UGT2A1: variants seen among roughly 807,000 people sequenced by gnomAD.
UGT2A1 encodes UDP-glucuronosyltransferase 2A1.
A neutral mutation model predicts 45.4 loss-of-function variants in UGT2A1; 61 were observed. That is an observed-to-expected ratio of 1.34 (90% CI 1.09 to 1.66). The LOEUF (loss-of-function observed/expected upper bound fraction) is 1.66, where lower values mean the gene tolerates loss of function less well. UGT2A1 is among the 40% of genes most tolerant of loss of function. The pLI, the probability that UGT2A1 is intolerant of heterozygous loss-of-function variation, is 0.00. For synonymous variants in UGT2A1, 229 were observed against 196.2 expected (o/e 1.17, Z -1.40); for missense variants, 649 against 574.3 (o/e 1.13, Z -1.33).
chr4:69,600,547 G>A (rs978461913), intron 3 of UGT2A1, among the ~76,000 whole-genome samples: 3 of 152,136 alleles, frequency 2.0e-5, no homozygotes, highest in African/African-American at 4.8e-5. Context: ...TGGCCTGAAA[G>A]CCACAGTTTC....
intron 2 of UGT2A1, among the ~76,000 whole-genome samples, chr4:69,642,214 G>A (rs1722077849): frequency 6.6e-6 from 1 of 151,668 alleles, no homozygotes; most frequent in South Asian, 2.1e-4. Context: ...GAGTGGGAGC[G>A]AAAAAGATAG....
chr4:69,635,849 A>AAAAAAAAAAAAAAGAG (rs772370302), intron 2 of UGT2A1, 27 bp from the exon 3 acceptor site: 2 of 118,512 alleles, frequency 1.7e-5, no homozygotes, highest in African/African-American at 8.0e-5. Context: ...AAAAAAAAAA[A>AAAAAAAAAAAAAAGAG]AGAGAGAGAG....
At chr4:69,608,950 C>A (rs1359011248) in intron 3 of UGT2A1, among the ~76,000 whole-genome samples, 2 of 151,942 alleles carry the variant, frequency 1.3e-5, no homozygotes, top group Admixed American at 6.6e-5. Flanking sequence ...CATAAAAATC[C>A]TTTTTTTAAT....
chr4:69,649,777 G>A (rs1181554086), intron 1 of UGT2A1, among the ~76,000 whole-genome samples: 2 of 151,992 alleles, frequency 1.3e-5, no homozygotes, highest in African/African-American at 2.4e-5. Flanking sequence ...ACACAGTGGG[G>A]CTTGCCTACA....
At chr4:69,604,302 A>G (rs1370511684) in intron 3 of UGT2A1, among the ~76,000 whole-genome samples, 1 of 131,350 alleles carries the variant, frequency 7.6e-6, no homozygotes, top group Non-Finnish European at 1.6e-5. Flanking sequence ...CCAGAATTTC[A>G]TATCTAGCCA....
intron 3 of UGT2A1, among the ~76,000 whole-genome samples, chr4:69,627,035 A>G (rs977525056): frequency 6.6e-6 from 1 of 151,900 alleles, no homozygotes; most frequent in South Asian, 2.1e-4. Flanking sequence ...AATGGCATAT[A>G]AAACTCAAGA....
chr4:69,639,643 T>C, intron 2 of UGT2A1: 1 of 1,555,932 alleles, frequency 6.4e-7, no homozygotes, highest in Non-Finnish European at 8.6e-7. Context: ...GAAACCATCC[T>C]ACTGTAGATC....
intron 3 of UGT2A1, among the ~76,000 whole-genome samples, chr4:69,632,232 T>A (rs1273158272): frequency 6.6e-6 from 1 of 152,152 alleles, no homozygotes; most frequent in African/African-American, 2.4e-5. Context: ...ATAATTTGAT[T>A]TGCTACCATG....
chr4:69,638,475 T>C (rs958949431), intron 2 of UGT2A1, among the ~76,000 whole-genome samples: 1 of 152,142 alleles, frequency 6.6e-6, no homozygotes, highest in East Asian at 1.9e-4. Flanking sequence ...CAGTTTTCTA[T>C]TGCCTGATTC....
chr4:69,650,661 A>T (rs1722478353), intron 1 of UGT2A1, among the ~76,000 whole-genome samples: 1 of 152,118 alleles, frequency 6.6e-6, no homozygotes, highest in Admixed American at 6.6e-5. Flanking sequence ...ATATTTAAAT[A>T]GATACAATTG....
At chr4:69,606,416 T>C (rs75310709) in intron 3 of UGT2A1, among the ~76,000 whole-genome samples, 24,412 of 135,402 alleles carry the variant, frequency 0.18, 5,778 homozygotes, top group Non-Finnish European at 0.22. Flanking sequence ...ATTGATGGGA[T>C]GTATCTCAAA....
chr4:69,603,778 C>G (rs1174621872), intron 3 of UGT2A1, among the ~76,000 whole-genome samples: 2 of 135,876 alleles, frequency 1.5e-5, no homozygotes, highest in African/African-American at 5.9e-5. Context: ...ATGCACAAGC[C>G]TCAGTAGCCG....
chr4:69,646,361 A>G (rs1722258308), intron 2 of UGT2A1, among the ~76,000 whole-genome samples: 1 of 151,860 alleles, frequency 6.6e-6, no homozygotes, highest in Admixed American at 6.6e-5. Context: ...TAAACACCAT[A>G]TCACACTTAA....
At chr4:69,590,665 G>GTGTC (rs1201804623) in intron 6 of UGT2A1, among the ~76,000 whole-genome samples, 1 of 149,640 alleles carries the variant, frequency 6.7e-6, no homozygotes, top group South Asian at 2.1e-4. Context: ...GTGTGTTTGT[G>GTGTC]TGTCTGTCTG....
intron 2 of UGT2A1, among the ~76,000 whole-genome samples, chr4:69,644,202 T>G (rs1722157522): frequency 6.6e-6 from 1 of 151,674 alleles, no homozygotes; most frequent in African/African-American, 2.4e-5. Context: ...ACTGAAAGAA[T>G]AGTGTGCTTT....
chr4:69,593,714 A>T (rs931364347), intron 6 of UGT2A1, among the ~76,000 whole-genome samples: 1 of 151,776 alleles, frequency 6.6e-6, no homozygotes, highest in Non-Finnish European at 1.5e-5. Flanking sequence ...CCACTACCCT[A>T]TATCTTTTCT....
Position 69,647,594 on chromosome 4 carries a change from G to T in UGT2A1, c.51C>A (p.Thr17=), listed in dbSNP as rs2109980681. ...LFSLQISLIG[T]TLGGNVLIWP... ...AAATCAAAACATTCCCACCAAGAGT[G>T]GTTCCTATGAGACTTATCTGAAGGG... The change falls in exon 2 of 7, where the codon ACC becomes ACA. Residue 17 remains threonine (T), a synonymous_variant. Coordinates refer to ENST00000286604, the MANE Select transcript of UGT2A1 (RefSeq NM_001252275.3). 1 of 1,607,958 alleles carries T rather than the reference G, an allele frequency of 6.2e-7. No homozygotes were observed. Among genetic ancestry groups the T allele is most frequent in the South Asian group, 1.1e-5 (1 of 90,098 alleles).
Position 69,589,666 on chromosome 4 carries a change from A to G in UGT2A1, c.1305-15T>C, listed in dbSNP as rs771987229. On this transcript the variant is annotated splice_polypyrimidine_tract_variant and intron_variant, in intron 6 of 6. Transcript: ENST00000286604. ...TCTCTTTATAACTAGAAGACAAATAAATAGGCAGAAATTAGACAATTTTTG... is the reference window on the plus strand; with the variant it reads ...TCTCTTTATAACTAGAAGACAAATAGATAGGCAGAAATTAGACAATTTTTG... 1.3e-5 allele frequency: 20 copies of G among 1,576,974 alleles called. No individual in the cohort carries two copies. Among genetic ancestry groups the G allele is most frequent in the African/African-American group, 4.1e-5 (3 of 73,510 alleles).
chr4:69,639,367 TA>T (rs761650030), intron 2 of UGT2A1: 2 of 1,613,702 alleles, frequency 1.2e-6, no homozygotes, highest in Non-Finnish European at 1.7e-6. Flanking sequence ...AAGGAATCTA[TA>T]TTGCTCTTCT....
Sources: gnomAD v4.1 joint callset for allele counts (sites outside exome capture counted in the v4.1 genomes callset) on GRCh38, gnomAD v4.1.1 for gene constraint, MANE v1.5 for transcripts, NCBI Gene and HGNC (gene_info 2026-07-23, HGNC 2026-07-21) for gene names.